The following PTPN13 variants were observed in gnomAD, a reference collection of about 807,000 sequenced individuals.
PTPN13 encodes the protein tyrosine-protein phosphatase non-receptor type 13.
PTPN13 carries 191 observed loss-of-function variants against 284.0 expected under a neutral mutation model. That is an observed-to-expected ratio of 0.67 (90% CI 0.60 to 0.76). The LOEUF (loss-of-function observed/expected upper bound fraction) is 0.76. Among genes scored for constraint, PTPN13 ranks in the 30% least tolerant of loss-of-function variants. The probability of loss-of-function intolerance (pLI) is 0.00; values close to 1 mark genes in which losing one functional copy is unlikely to be tolerated. For missense variants in PTPN13, 2,797 were observed against 2,939.9 expected (o/e 0.95, Z 1.12); for synonymous variants, 986 against 1,022.3 (o/e 0.96, Z 0.68).
At chr4:86,718,074 A>G (rs1428785781) in intron 9 of PTPN13, among the ~76,000 whole-genome samples, 1 of 152,184 alleles carries the variant, frequency 6.6e-6, no homozygotes, top group African/African-American at 2.4e-5. Context: ...TGTCAAGTCA[A>G]TAGTGATGTG....
At chr4:86,768,831 TC>T (rs1739639658) in intron 28 of PTPN13, among the ~76,000 whole-genome samples, 1 of 151,852 alleles carries the variant, frequency 6.6e-6, no homozygotes. Flanking sequence ...TGCCTCAGCT[TC>T]CTGAGTAGCT....
At chr4:86,668,728 T>G (rs1258545699) in intron 2 of PTPN13, among the ~76,000 whole-genome samples, 1 of 151,034 alleles carries the variant, frequency 6.6e-6, no homozygotes, top group East Asian at 1.9e-4. Flanking sequence ...CCCGAGTACC[T>G]GGGATTACAG....
At chr4:86,619,694 G>T (rs1720996066) in intron 1 of PTPN13, among the ~76,000 whole-genome samples, 1 of 152,026 alleles carries the variant, frequency 6.6e-6, no homozygotes, top group African/African-American at 2.4e-5. Context: ...TGGTAAGAGA[G>T]GTAATTTCTG....
chr4:86,651,429 C>CCCTTCCTT (rs534420867), intron 2 of PTPN13, among the ~76,000 whole-genome samples: 3 of 151,678 alleles, frequency 2.0e-5, no homozygotes, highest in Non-Finnish European at 4.4e-5. Flanking sequence ...GTCCTTCCCT[C>CCCTTCCTT]CCTTCCTTCC....
chr4:86,714,563 TC>T (rs1565393549), intron 7 of PTPN13, among the ~76,000 whole-genome samples: 1 of 152,112 alleles, frequency 6.6e-6, no homozygotes, highest in African/African-American at 2.4e-5. Context: ...TTTTTTAACC[TC>T]TTTTTGCTTC....
chr4:86,788,105 A>C (rs1481169366), intron 40 of PTPN13, among the ~76,000 whole-genome samples: 1 of 152,206 alleles, frequency 6.6e-6, no homozygotes, highest in Admixed American at 6.5e-5. Flanking sequence ...AATTTAGGAA[A>C]GGAGTAACAG....
intron 6 of PTPN13, among the ~76,000 whole-genome samples, chr4:86,695,300 T>C (rs184513615): frequency 2.0e-5 from 3 of 152,234 alleles, no homozygotes; most frequent in East Asian, 1.9e-4. Context: ...ATTTTGAAAG[T>C]ATTTTTCATC....
intron 15 of PTPN13, among the ~76,000 whole-genome samples, chr4:86,738,768 C>T (rs914291256): frequency 2.0e-5 from 3 of 152,132 alleles, no homozygotes; most frequent in Admixed American, 2.0e-4. Context: ...GCAGCCTCCA[C>T]CTCCCAGGCT....
At chr4:86,655,538 A>G (rs1725686573) in intron 2 of PTPN13, among the ~76,000 whole-genome samples, 1 of 152,160 alleles carries the variant, frequency 6.6e-6, no homozygotes, top group South Asian at 2.1e-4. Context: ...TGGGTTGAAA[A>G]TTCTTTTCTT....
At chr4:86,740,020 C>T (rs758024315) in intron 15 of PTPN13, among the ~76,000 whole-genome samples, 4 of 152,164 alleles carry the variant, frequency 2.6e-5, no homozygotes, top group Non-Finnish European at 2.9e-5. Context: ...CAGCTCTGCC[C>T]CTGTGTCTTT....
intron 16 of PTPN13, among the ~76,000 whole-genome samples, chr4:86,744,664 A>G (rs1736528560): frequency 6.6e-6 from 1 of 152,172 alleles, no homozygotes; most frequent in South Asian, 2.1e-4. Flanking sequence ...TGCCTACAGT[A>G]TTTAGTACAG....
chr4:86,782,313 T>G, intron 37 of PTPN13, 51 bp downstream of exon 37: 1 of 1,454,638 alleles, frequency 6.9e-7, no homozygotes, highest in Non-Finnish European at 9.6e-7. Flanking sequence ...TCTGAGGAAC[T>G]GCATGTTTGT....
chr4:86,642,139 C>G (rs2148761913), intron 2 of PTPN13, among the ~76,000 whole-genome samples: 1 of 152,200 alleles, frequency 6.6e-6, no homozygotes, highest in Non-Finnish European at 1.5e-5. Flanking sequence ...ATTCTGTTAT[C>G]TGCCCTTAAT....
At position 86,809,786 on chromosome 4, in the gene PTPN13, T is replaced by G. The variant is rs1479442556; in HGVS notation, c.7101T>G (p.His2367Gln). 1 of 1,614,012 alleles carries G rather than the reference T, an allele frequency of 6.2e-7. No homozygotes were observed. The highest frequency in any genetic ancestry group is 8.5e-7 in the Non-Finnish European group (1 of 1,179,848). Residue 2367 changes from histidine (H) to glutamine (Q), a missense_variant, in exon 46 of 48, where the codon CAT (histidine) becomes CAG (glutamine). By Grantham distance (24) the His-to-Gln change is conservative. Transcript: ENST00000411767. ...LEDIQTREVR[H>Q]ISHLNFTAWP... is the part of the protein sequence containing the mutation. Reference sequence around the variant, plus strand: ...AATTTCAGACCAGAGAGGTGCGCCATATTTCTCATCTGAATTTCACTGCCT... The same window carrying G: ...AATTTCAGACCAGAGAGGTGCGCCAGATTTCTCATCTGAATTTCACTGCCT...
chr4:86,637,372 A>C (rs1461401209), intron 2 of PTPN13, among the ~76,000 whole-genome samples: 1 of 152,142 alleles, frequency 6.6e-6, no homozygotes, highest in African/African-American at 2.4e-5. Context: ...AAGAGACACA[A>C]CCAAAAAAGA....
Position 86,701,649 on chromosome 4 carries a change from G to A in PTPN13, c.1043G>A (p.Ser348Asn). The change falls in exon 7 of 48, where the codon AGT becomes AAT. Residue 348 changes from serine to asparagine, a missense_variant. Coordinates refer to ENST00000411767, the MANE Select transcript of PTPN13 (RefSeq NM_080683.3). ...RKKEARYSDG[S>N]IALDIFGPQK... ...AAGGAGGCAAGATACTCAGATGGAA[G>A]TATAGCCTTGGATATCTTTGGCCCT... 4 of 1,613,938 alleles carry A rather than the reference G, an allele frequency of 2.5e-6. No individual in the cohort carries two copies. Among genetic ancestry groups the A allele is most frequent in the Non-Finnish European group, 3.4e-6 (4 of 1,179,854 alleles).
intron 9 of PTPN13, among the ~76,000 whole-genome samples, chr4:86,719,209 T>A (rs896051666): frequency 1.3e-5 from 2 of 152,188 alleles, no homozygotes; most frequent in African/African-American, 4.8e-5. Context: ...AGCTCCCACT[T>A]ACAAGTGAGA....
At position 86,760,715 on chromosome 4, in the gene PTPN13, G is replaced by C. The variant is rs562974772; in HGVS notation, c.3553+1642G>C. Among the ~76,000 whole-genome samples, 10 of 152,194 alleles carry C rather than the reference G, an allele frequency of 6.6e-5. No individual in the cohort carries two copies. The East Asian group carries it at 1.9e-3, about 29-fold the overall frequency. On this transcript the variant is annotated intron_variant, in intron 23 of 47. Coordinates refer to ENST00000411767, the MANE Select transcript of PTPN13 (RefSeq NM_080683.3). Reference sequence around the variant, plus strand: ...TCAGAGGAGCCTTTTCTTCTCAGCAGAGTTTTGTGTGGTTTTTTTTTCTGT... The same window carrying C: ...TCAGAGGAGCCTTTTCTTCTCAGCACAGTTTTGTGTGGTTTTTTTTTCTGT...
rs899033488 is a variant in PTPN13 at position 86,722,261 on chromosome 4, A to G, written c.1435A>G (p.Met479Val). The change falls in exon 10 of 48, where the codon ATG (methionine) becomes GTG (valine). Residue 479 changes from methionine to valine, a missense_variant. Coordinates refer to ENST00000411767, the MANE Select transcript of PTPN13 (RefSeq NM_080683.3). ...FEGNLINQEI[M>V]LKRQEEELMQ... ...AGGCAACTTAATTAATCAAGAGATC[A>G]TGCTAAAACGGCAAGAGGAAGAACT... The G allele has an allele frequency of 3.7e-6, 6 of 1,613,880 alleles. No homozygotes were observed. The highest frequency in any genetic ancestry group is 1.1e-5 in the South Asian group (1 of 91,072).
Sources: allele counts gnomAD v4.1 joint callset (sites outside exome capture counted in the v4.1 genomes callset), GRCh38; gene constraint gnomAD v4.1.1; transcripts MANE v1.5; gene names NCBI Gene and HGNC (gene_info 2026-07-23, HGNC 2026-07-21).